The following UBASH3B variants were observed in gnomAD, a reference collection of about 807,000 sequenced individuals.
UBASH3B encodes the protein ubiquitin-associated and SH3 domain-containing protein B.
Under a neutral mutation model 83.4 loss-of-function variants are expected in UBASH3B, and 37 were observed. The observed-to-expected ratio is 0.44, with a 90% CI of 0.34 to 0.58. The LOEUF (loss-of-function observed/expected upper bound fraction) is 0.58, where lower values mean the gene tolerates loss of function less well. Ranked by LOEUF, UBASH3B falls within the 20% of genes least tolerant of loss-of-function variation. The probability of loss-of-function intolerance (pLI) is 0.01; values close to 1 mark genes in which losing one functional copy is unlikely to be tolerated. For missense variants in UBASH3B, 657 were observed against 827.2 expected (o/e 0.79, Z 2.52); for synonymous variants, 304 against 318.3 (o/e 0.96, Z 0.48).
intron 1 of UBASH3B, among the ~76,000 whole-genome samples, chr11:122,673,132 T>A (rs1454844773): frequency 6.6e-6 from 1 of 152,138 alleles, no homozygotes; most frequent in Non-Finnish European, 1.5e-5. Context: ...CTCAGCATTT[T>A]GGGAAGGGAT....
intron 11 of UBASH3B, among the ~76,000 whole-genome samples, chr11:122,802,665 C>A (rs988807532): frequency 6.6e-6 from 1 of 152,164 alleles, no homozygotes; most frequent in Non-Finnish European, 1.5e-5. Context: ...TTATGTGCTG[C>A]TGCTGCTGCT....
intron 1 of UBASH3B, among the ~76,000 whole-genome samples, chr11:122,706,120 CTT>C (rs60384458): frequency 8.4e-5 from 9 of 107,678 alleles, no homozygotes; most frequent in East Asian, 2.7e-4. Context: ...TTTTTTTTTT[CTT>C]TTTTTTTTTT....
At chr11:122,700,508 T>TTC (rs1168522185) in intron 1 of UBASH3B, among the ~76,000 whole-genome samples, 1 of 149,012 alleles carries the variant, frequency 6.7e-6, no homozygotes, top group African/African-American at 2.5e-5. Flanking sequence ...TTTTTTTTTT[T>TTC]TTTTTTGAGA....
intron 1 of UBASH3B, among the ~76,000 whole-genome samples, chr11:122,719,856 G>A (rs955582532): frequency 6.6e-6 from 1 of 152,186 alleles, no homozygotes; most frequent in Admixed American, 6.5e-5. Flanking sequence ...TCCATCAGCA[G>A]CATTGGATGC....
intron 11 of UBASH3B, among the ~76,000 whole-genome samples, chr11:122,802,164 A>G (rs1380793350): frequency 1.3e-5 from 2 of 151,966 alleles, no homozygotes; most frequent in Non-Finnish European, 1.5e-5. Flanking sequence ...AAAATACAAA[A>G]ATTAGCTGGG....
rs1439149499 is a variant in UBASH3B, at chr11:122,808,180, A to G, written c.1812+4A>G. 21 of 1,612,676 alleles carry G rather than the reference A, an allele frequency of 1.3e-5. No homozygotes were observed. Among genetic ancestry groups the G allele is most frequent in the Non-Finnish European group, 1.8e-5 (21 of 1,178,822 alleles). ...CTTCGTACAAATGGTCCGAAAGGTA[A>G]TTCATTCTCGTACTTTGGGGTCCGT... is the stretch of plus-strand genomic sequence containing the variant. On this transcript the variant is annotated splice_donor_region_variant and intron_variant, in intron 13 of 13. Transcript: ENST00000284273.
At chr11:122,774,449 C>T (rs146171955) in intron 1 of UBASH3B, among the ~76,000 whole-genome samples, 2 of 152,344 alleles carry the variant, frequency 1.3e-5, no homozygotes, top group African/African-American at 2.4e-5. Context: ...CTGCTTTAAG[C>T]GCATTTCATC....
chr11:122,725,649 G>C (rs1197044950), intron 1 of UBASH3B, among the ~76,000 whole-genome samples: 3 of 152,092 alleles, frequency 2.0e-5, no homozygotes, highest in Non-Finnish European at 4.4e-5. Context: ...GCCTACTCAG[G>C]AGGAAAAGTG....
intron 5 of UBASH3B, among the ~76,000 whole-genome samples, chr11:122,786,176 A>G (rs1860948070): frequency 6.6e-6 from 1 of 151,958 alleles, no homozygotes; most frequent in African/African-American, 2.4e-5. Flanking sequence ...CAGCCTCCCA[A>G]GTAGCTGGGA....
intron 1 of UBASH3B, among the ~76,000 whole-genome samples, chr11:122,763,697 T>G (rs916371189): frequency 6.6e-6 from 1 of 152,232 alleles, no homozygotes; most frequent in African/African-American, 2.4e-5. Context: ...CAGAGGCCAT[T>G]AACCCCACCT....
intron 1 of UBASH3B, among the ~76,000 whole-genome samples, chr11:122,739,001 G>C (rs972014610): frequency 1.3e-5 from 2 of 152,102 alleles, no homozygotes; most frequent in Non-Finnish European, 2.9e-5. Flanking sequence ...GTTTTGTTCT[G>C]CTTTGTTTTG....
chr11:122,702,736 G>T (rs917444105), intron 1 of UBASH3B, among the ~76,000 whole-genome samples: 3 of 151,956 alleles, frequency 2.0e-5, no homozygotes, highest in Non-Finnish European at 2.9e-5. Context: ...TGTCAGCCAG[G>T]CTGGTCTCTA....
At chr11:122,787,531 AT>A (rs1480978884) in intron 5 of UBASH3B, among the ~76,000 whole-genome samples, 5 of 152,098 alleles carry the variant, frequency 3.3e-5, no homozygotes, top group African/African-American at 1.2e-4. Flanking sequence ...TTCTTTAGCG[AT>A]TTCCAGAAGG....
intron 1 of UBASH3B, among the ~76,000 whole-genome samples, chr11:122,663,265 C>A (rs1040273551): frequency 6.6e-6 from 1 of 152,222 alleles, no homozygotes; most frequent in African/African-American, 2.4e-5. Flanking sequence ...GCATAAGCCA[C>A]CGCGCCTGGC....
intron 1 of UBASH3B, among the ~76,000 whole-genome samples, chr11:122,770,375 C>A (rs1161890371): frequency 6.6e-6 from 1 of 151,996 alleles, no homozygotes; most frequent in South Asian, 2.1e-4. Flanking sequence ...TAGGGGAACT[C>A]TCTTCTGAAG....
intron 1 of UBASH3B, among the ~76,000 whole-genome samples, chr11:122,688,879 C>T (rs1018368660): frequency 6.6e-6 from 1 of 151,846 alleles, no homozygotes; most frequent in African/African-American, 2.4e-5. Flanking sequence ...CTCCTGACCT[C>T]GTGATCCGCC....
chr11:122,779,238 C>A (rs558603753), intron 3 of UBASH3B: 22 of 542,256 alleles, frequency 4.1e-5, no homozygotes, highest in African/African-American at 3.8e-4. Flanking sequence ...AGCATTTTGG[C>A]TGGGTTCACG....
Position 122,776,250 on chromosome 11 carries a change from A to C in UBASH3B, c.193A>C (p.Ser65Arg). The C allele has an allele frequency of 6.2e-7, 1 of 1,609,860 alleles. No homozygotes were observed. Among genetic ancestry groups the C allele is most frequent in the Non-Finnish European group, 8.5e-7 (1 of 1,178,620 alleles). The change falls in exon 2 of 14, where the codon AGT (serine) becomes CGT (arginine). Residue 65 changes from serine to arginine, a missense_variant. Physicochemically the swap from Ser to Arg is moderately radical, Grantham distance 110. Transcript: ENST00000284273. ...AGCCTTGGCATCCACGGGAGGAAGA[A>C]GTGTTCAGGCAGCATGTGACTGGTT... ...QKALASTGGR[S>R]VQAACDWLFS...
intron 1 of UBASH3B, among the ~76,000 whole-genome samples, chr11:122,690,917 C>T (rs4935801): frequency 0.74 from 112,661 of 152,008 alleles, 42,896 homozygotes; most frequent in East Asian, 0.9. Flanking sequence ...AACTTGATCA[C>T]TGGGCCCGAT....
Sources: allele counts gnomAD v4.1 joint callset (sites outside exome capture counted in the v4.1 genomes callset), GRCh38; gene constraint gnomAD v4.1.1; transcripts MANE v1.5; gene names NCBI Gene and HGNC (gene_info 2026-07-23, HGNC 2026-07-21).